Variants in SPRR2G observed in about 807,000 individuals in gnomAD.
The protein encoded by SPRR2G is small proline rich protein 2G, also known as small proline-rich protein 2G.
A neutral mutation model predicts 0.7 loss-of-function variants in SPRR2G; 1 was observed. That is an observed-to-expected ratio of 1.49 (90% CI 0.53 to 7.06). The LOEUF is 7.06. Ranked by LOEUF, SPRR2G falls within the 30% of genes most tolerant of loss-of-function variation. The pLI, the probability that SPRR2G is intolerant of heterozygous loss-of-function variation, is 0.14. For missense variants in SPRR2G, 96 were observed against 88.5 expected (o/e 1.09, Z -0.34); for synonymous variants, 38 against 33.9 (o/e 1.12, Z -0.42).
chr1:153,163,561 G>A, the SPRR2G span, among the ~76,000 whole-genome samples: 1 of 152,168 alleles, frequency 6.6e-6, no homozygotes, highest in Admixed American at 6.5e-5. Flanking sequence ...CAATTCCAAA[G>A]CAAGTTTCAA....
chr1:153,188,663 C>G, the SPRR2G span, among the ~76,000 whole-genome samples: 2 of 152,166 alleles, frequency 1.3e-5, no homozygotes, highest in Non-Finnish European at 2.9e-5. Flanking sequence ...GGCTTCAACA[C>G]CCTTTCCAGG....
chr1:153,155,632 T>C (rs1040424164), upstream of SPRR2G, among the ~76,000 whole-genome samples: 4 of 152,190 alleles, frequency 2.6e-5, no homozygotes, highest in Non-Finnish European at 4.4e-5. Context: ...TTAAAATACT[T>C]TAAGTTCTAG....
At chr1:153,157,462 T>C in the SPRR2G span, among the ~76,000 whole-genome samples, 4,701 of 152,250 alleles carry the variant, frequency 0.031, 242 homozygotes, top group African/African-American at 0.11. Context: ...GAGATTATAA[T>C]ACTCTTTTTT....
At chr1:153,172,182 A>C in the SPRR2G span, among the ~76,000 whole-genome samples, 1 of 152,070 alleles carries the variant, frequency 6.6e-6, no homozygotes, top group African/African-American at 2.4e-5. Context: ...AGGGTCTATC[A>C]ACACTCCCTG....
the SPRR2G span, among the ~76,000 whole-genome samples, chr1:153,183,398 A>C: frequency 6.6e-6 from 1 of 151,824 alleles, no homozygotes; most frequent in African/African-American, 2.4e-5. Flanking sequence ...CTGACTTTTT[A>C]ATCATCGCCA....
the SPRR2G span, among the ~76,000 whole-genome samples, chr1:153,169,883 G>A: frequency 6.6e-6 from 1 of 152,172 alleles, no homozygotes; most frequent in African/African-American, 2.4e-5. Context: ...GCTTCTGGCT[G>A]GAGACTGTGT....
the SPRR2G span, among the ~76,000 whole-genome samples, chr1:153,157,135 C>A: frequency 6.6e-6 from 1 of 152,144 alleles, no homozygotes; most frequent in Non-Finnish European, 1.5e-5. Flanking sequence ...GTAAGGAAAA[C>A]TAGCATAAGT....
chr1:153,172,020 T>A, the SPRR2G span, among the ~76,000 whole-genome samples: 2 of 152,144 alleles, frequency 1.3e-5, no homozygotes, highest in African/African-American at 4.8e-5. Context: ...AATTTCCTTT[T>A]ACACTCAACT....
chr1:153,161,957 A>T, the SPRR2G span, among the ~76,000 whole-genome samples: 2 of 152,192 alleles, frequency 1.3e-5, no homozygotes, highest in Non-Finnish European at 2.9e-5. Context: ...AACAGTCTCC[A>T]TGATACCAAT....
chr1:153,175,058 T>C, the SPRR2G span, among the ~76,000 whole-genome samples: 1 of 152,196 alleles, frequency 6.6e-6, no homozygotes, highest in African/African-American at 2.4e-5. Flanking sequence ...ACCCAGGGAA[T>C]TGTTAGAATG....
the SPRR2G span, chr1:153,174,373 G>A: frequency 1.2e-4 from 19 of 152,176 alleles, no homozygotes; most frequent in Non-Finnish European, 2.5e-4. Flanking sequence ...GCAGAACCAG[G>A]CTTGAGGCTA....
At chr1:153,151,835 T>C (rs1224268704), upstream of SPRR2G, among the ~76,000 whole-genome samples, 1 of 152,244 alleles carries the variant, frequency 6.6e-6, no homozygotes, top group Middle Eastern at 3.2e-3. Context: ...TGGATGTTTT[T>C]ACCTAAATAA....
chr1:153,177,938 T>C, the SPRR2G span, among the ~76,000 whole-genome samples: 2 of 151,906 alleles, frequency 1.3e-5, no homozygotes, highest in Admixed American at 1.3e-4. Flanking sequence ...AGAGGACTGA[T>C]ACATTCAAAA....
At chr1:153,199,674 A>T in the SPRR2G span, among the ~76,000 whole-genome samples, 1 of 152,210 alleles carries the variant, frequency 6.6e-6, no homozygotes, top group Non-Finnish European at 1.5e-5. Context: ...AAAGAGAAGG[A>T]AATCCAACAT....
the SPRR2G span, among the ~76,000 whole-genome samples, chr1:153,171,889 G>T: frequency 6.6e-6 from 1 of 152,106 alleles, no homozygotes; most frequent in African/African-American, 2.4e-5. Flanking sequence ...TCTGCCCAAT[G>T]CTTCTGCCCT....
the SPRR2G span, among the ~76,000 whole-genome samples, chr1:153,176,858 A>G: frequency 6.6e-5 from 10 of 152,230 alleles, 1 homozygote; most frequent in Non-Finnish European, 1.0e-4. Context: ...GTGTAATTTT[A>G]TCTCAACAAA....
chr1:153,196,187 A>T, the SPRR2G span, among the ~76,000 whole-genome samples: 1 of 152,162 alleles, frequency 6.6e-6, no homozygotes, highest in Non-Finnish European at 1.5e-5. Flanking sequence ...ATCTTACTTA[A>T]TTATTTTATG....
In SPRR2G at chr1:153,149,754, G is replaced by C. The variant is rs1175625432; in HGVS notation, c.*135C>G. The stretch of plus-strand genomic sequence containing the variant: ...GTTTTCAGAACTAAGCCTTTTCTCT[G>C]TCAACGCTCAAGCCAGACAGAGGTT... On this transcript the variant is annotated 3_prime_UTR_variant, in exon 2 of 2. Transcript: ENST00000368748. The C allele has an allele frequency of 1.7e-6, 2 of 1,154,900 alleles. No individual in the cohort carries two copies. Among genetic ancestry groups the C allele is most frequent in the African/African-American group, 3.1e-5 (2 of 65,300 alleles). 71.5% of individuals were successfully genotyped at this position (1,154,900 alleles called of 1,614,324 possible).
chr1:153,175,451 C>A, the SPRR2G span, among the ~76,000 whole-genome samples: 30 of 152,182 alleles, frequency 2.0e-4, no homozygotes, highest in Non-Finnish European at 5.9e-5. Context: ...AGGCCCTGGT[C>A]TCTCTATTCC....
Sources: allele counts gnomAD v4.1 joint callset (sites outside exome capture counted in the v4.1 genomes callset), GRCh38; gene constraint gnomAD v4.1.1; transcripts MANE v1.5; gene names NCBI Gene and HGNC (gene_info 2026-07-23, HGNC 2026-07-21).